CDK2: variants seen among roughly 807,000 people sequenced by gnomAD.
CDK2 encodes cyclin-dependent kinase 2.
Under a neutral mutation model 35.0 loss-of-function variants are expected in CDK2, and 8 were observed. The observed-to-expected ratio is 0.23, with a 90% confidence interval of 0.13 to 0.41. CDK2 has a LOEUF of 0.41. CDK2 is among the 10% of genes least tolerant of loss of function. The pLI is 1.00. For synonymous variants in CDK2, 134 were observed against 137.7 expected (o/e 0.97, Z 0.19); for missense variants, 201 against 367.1 (o/e 0.55, Z 3.70).
At chr12:55,969,429 C>A in intron 4 of CDK2, 46 bp from the exon 5 acceptor site, 1 of 1,053,230 alleles carries the variant, frequency 9.5e-7, no homozygotes, top group Non-Finnish European at 1.4e-6. Context: ...GCGGGAATTT[C>A]CATACCCTAT....
chr12:55,967,211 G>T, intron 1 of CDK2, 87 bp downstream of exon 1: 1 of 937,472 alleles, frequency 1.1e-6, no homozygotes, highest in Non-Finnish European at 1.7e-6. Context: ...GCCGTCCAGG[G>T]ACCGGAAGAG....
At chr12:55,967,799 G>A in intron 1 of CDK2, 58 bp from the exon 2 acceptor site, 2 of 1,410,074 alleles carry the variant, frequency 1.4e-6, no homozygotes, top group Non-Finnish European at 2.0e-6. Flanking sequence ...TGACTAGGTG[G>A]GGGGGAAAGG....
intron 5 of CDK2, 165 bp from the exon 6 acceptor site, chr12:55,970,879 A>T: frequency 4.1e-6 from 3 of 736,376 alleles, no homozygotes; most frequent in Non-Finnish European, 7.5e-6. Context: ...AGATGAAGGA[A>T]CTTCATTGTC....
chr12:55,970,356 G>A lies in CDK2; in HGVS notation c.589-688G>A, dbSNP rs12312438. Among the ~76,000 whole-genome samples the A allele has an allele frequency of 4.2e-5, 6 of 141,250 alleles. No homozygotes were observed. In the South Asian group the frequency reaches 9.2e-4, roughly 22 times the overall value. The allele number at this position is 141,250 out of a possible 152,430, so 92.7% of individuals were successfully genotyped here. ...TTCCCCTTCAACCTCTGGCTTTTCA[G>A]ACTGAAGGATCCTTGAAGCCTGGCT... On this transcript the variant is annotated intron_variant, in intron 5 of 6. Coordinates refer to ENST00000266970, the MANE Select transcript of CDK2 (RefSeq NM_001798.5).
In CDK2 at chr12:55,967,175, C is replaced by T. The variant is rs568622337; in HGVS notation, c.116+51C>T. 1.8e-5 allele frequency: 24 copies of T among 1,300,680 alleles called. 1 individual carries two copies. In the South Asian group the frequency reaches 2.7e-4, roughly 15 times the overall value. The allele number at this position is 1,300,680 out of a possible 1,614,324, so 80.6% of individuals were successfully genotyped here. ...CCTAACTGGGGACCTCCTTGATTGT[C>T]CCCCCCAACCCCCCACGGGCGGGTA... is the stretch of plus-strand genomic sequence containing the variant. On this transcript the variant is annotated intron_variant, in intron 1 of 6. Transcript: ENST00000266970.
Position 55,971,700 on chromosome 12 carries a change from T to A in CDK2, c.*75T>A. ...GGCTTGACCAGGCTTGGCCTTGGGC[T>A]ATTTGGACTCAGGTGGGCCCTCTGA... On this transcript the variant is annotated 3_prime_UTR_variant, in exon 7 of 7. Transcript: ENST00000266970. The A allele has an allele frequency of 8.9e-7, 1 of 1,117,502 alleles. No individual in the cohort carries two copies. The highest frequency in any genetic ancestry group is 1.4e-6 in the Non-Finnish European group (1 of 739,230). 69.2% of individuals were successfully genotyped at this position (1,117,502 alleles called of 1,614,324 possible). A position where few individuals can be genotyped will look rare whatever the true frequency, so the allele number is the denominator to read the frequency against.
intron 1 of CDK2, 62 bp downstream of exon 1, chr12:55,967,186 C>T: frequency 1.5e-6 from 2 of 1,293,700 alleles, no homozygotes; most frequent in Non-Finnish European, 2.2e-6. Context: ...CCCCCCAACC[C>T]CCCACGGGCG....
In CDK2 at chr12:55,971,766, C is replaced by A. The variant is rs1889483110; in HGVS notation, c.*141C>A. 2 of 623,412 alleles carry A rather than the reference C, an allele frequency of 3.2e-6. No homozygotes were observed. 38.6% of individuals were successfully genotyped at this position (623,412 alleles called of 1,614,324 possible). A position where few individuals can be genotyped will look rare whatever the true frequency, so the allele number is the denominator to read the frequency against. On this transcript the variant is annotated 3_prime_UTR_variant, in exon 7 of 7. Transcript: ENST00000266970. ...TCACCTTCTAGTCTTGGCCAGCCAA[C>A]TCTGGGAATACAGGGGTGAAAGGGG...
At chr12:55,971,287 A>G (rs752576069) in intron 6 of CDK2, 40 bp downstream of exon 6, 1 of 1,581,364 alleles carries the variant, frequency 6.3e-7, no homozygotes, top group Non-Finnish European at 8.7e-7. Flanking sequence ...CATTTCTCCC[A>G]GGGAAGGGCT....
rs545329816 is a variant in CDK2 at position 55,971,797 on chromosome 12, C to G, written c.*172C>G. ...GAATACAGGGGTGAAAGGGGGGAACCAGTGAAAATGAAAGGAAGTTTCAGT... is the reference window on the plus strand; with the variant it reads ...GAATACAGGGGTGAAAGGGGGGAACGAGTGAAAATGAAAGGAAGTTTCAGT... On this transcript the variant is annotated 3_prime_UTR_variant, in exon 7 of 7. Transcript: ENST00000266970. 1.7e-6 allele frequency: 1 copy of G among 574,858 alleles called. No individual in the cohort carries two copies. The highest frequency in any genetic ancestry group is 2.9e-5 in the East Asian group (1 of 33,902). 35.6% of individuals were successfully genotyped at this position (574,858 alleles called of 1,614,324 possible).
rs752423569 is a variant in CDK2 at position 55,968,768 on chromosome 12, C to T, written c.316-10C>T. 6.3e-7 allele frequency: 1 copy of T among 1,580,344 alleles called. No individual in the cohort carries two copies. The highest frequency in any genetic ancestry group is 2.3e-5 in the East Asian group (1 of 44,268). On this transcript the variant is annotated splice_polypyrimidine_tract_variant and intron_variant, in intron 3 of 6. Coordinates refer to ENST00000266970, the MANE Select transcript of CDK2 (RefSeq NM_001798.5). ...TGGAGAAACACAGTCCTCTCTTTCTCCTTTGTCAGAGCTATCTGTTCCAGC... is the reference window on the plus strand; with the variant it reads ...TGGAGAAACACAGTCCTCTCTTTCTTCTTTGTCAGAGCTATCTGTTCCAGC...
intron 5 of CDK2, among the ~76,000 whole-genome samples, chr12:55,970,288 CAAAAAAAAA>C (rs60371110): frequency 0.13 from 2,719 of 21,660 alleles, 71 homozygotes; most frequent in African/African-American, 0.21. Flanking sequence ...GATTCCATCT[CAAAAAAAAA>C]AAAAAAAAAA....
chr12:55,968,813 C>T lies in CDK2; in HGVS notation c.351C>T (p.Phe117=). ...TCCAGCTGCTCCAGGGCCTAGCTTTCTGCCATTCTCATCGGGTCCTCCACC... is the reference window on the plus strand; with the variant it reads ...TCCAGCTGCTCCAGGGCCTAGCTTTTTGCCATTCTCATCGGGTCCTCCACC... ...YLFQLLQGLA[F]CHSHRVLHRD... The change falls in exon 4 of 7, where the codon TTC becomes TTT. Residue 117 remains phenylalanine, a synonymous_variant. Coordinates refer to ENST00000266970, the MANE Select transcript of CDK2 (RefSeq NM_001798.5). The T allele has an allele frequency of 6.2e-7, 1 of 1,609,310 alleles. No homozygotes were observed. Among genetic ancestry groups the T allele is most frequent in the African/African-American group, 1.3e-5 (1 of 74,404 alleles).
At position 55,967,131 on chromosome 12, in the gene CDK2, G is replaced by A. The variant is rs751524550; in HGVS notation, c.116+7G>A. On this transcript the variant is annotated splice_region_variant and intron_variant, in intron 1 of 6. Transcript: ENST00000266970. ...AGAAAATCCGCCTGGACACGTGAGT[G>A]GCCTCTGTACCCGGGACTCCTAACT... 7 of 1,598,378 alleles carry A rather than the reference G, an allele frequency of 4.4e-6. No homozygotes were observed. In the South Asian group the frequency reaches 7.8e-5, roughly 18 times the overall value.
intron 5 of CDK2, chr12:55,970,680 C>G: frequency 5.7e-6 from 4 of 702,282 alleles, no homozygotes; most frequent in Non-Finnish European, 1.0e-5. Flanking sequence ...CCGCTGTGCT[C>G]GTATCTAGAA....
chr12:55,966,981 C>G lies in CDK2; in HGVS notation c.-28C>G. On this transcript the variant is annotated 5_prime_UTR_variant, in exon 1 of 7. Transcript: ENST00000266970. ...GGGTTCCCAGGCCCCCGCTCCAGGG[C>G]CGGGCTGACCCGACTCGCTGGCGCT... The G allele has an allele frequency of 1.3e-6, 2 of 1,566,366 alleles. No homozygotes were observed. Among genetic ancestry groups the G allele is most frequent in the Middle Eastern group, 1.7e-4 (1 of 5,946 alleles).
In CDK2 at chr12:55,967,954, G is replaced by A; in HGVS notation, c.194+20G>A. Reference sequence around the variant, plus strand: ...TGTCAAGTAAGTATGCGTCTGAGAGGTGATCCAGCTGGAAAGGAGGATAAG... The same window carrying A: ...TGTCAAGTAAGTATGCGTCTGAGAGATGATCCAGCTGGAAAGGAGGATAAG... On this transcript the variant is annotated intron_variant, in intron 2 of 6. Transcript: ENST00000266970. 6.2e-7 allele frequency: 1 copy of A among 1,613,466 alleles called. No homozygotes were observed. Among genetic ancestry groups the A allele is most frequent in the African/African-American group, 1.3e-5 (1 of 75,000 alleles).
chr12:55,971,738 C>A lies in CDK2; in HGVS notation c.*113C>A. The A allele has an allele frequency of 1.4e-6, 1 of 721,216 alleles. No homozygotes were observed. Among genetic ancestry groups the A allele is most frequent in the Non-Finnish European group, 2.4e-6 (1 of 413,860 alleles). The allele number at this position is 721,216 out of a possible 1,614,324, so 44.7% of individuals were successfully genotyped here. ...GTGGGCCCTCTGAACTTGCCTTAAA[C>A]ACTCACCTTCTAGTCTTGGCCAGCC... On this transcript the variant is annotated 3_prime_UTR_variant, in exon 7 of 7. Transcript: ENST00000266970.
In CDK2 at chr12:55,971,110, C is replaced by T. The variant is rs1044042568; in HGVS notation, c.655C>T (p.Leu219=). Residue 219 remains leucine (L), a synonymous_variant, in exon 6 of 7, where the codon CTG becomes TTG. Transcript: ENST00000266970. ...IDQLFRIFRT[L]GTPDEVVWPG... ...CCAGCTCTTCCGGATCTTTCGGACTCTGGGGACCCCAGATGAGGTGGTGTG... is the reference window on the plus strand; with the variant it reads ...CCAGCTCTTCCGGATCTTTCGGACTTTGGGGACCCCAGATGAGGTGGTGTG... The T allele has an allele frequency of 1.2e-6, 2 of 1,614,026 alleles. No homozygotes were observed. The highest frequency in any genetic ancestry group is 2.7e-5 in the African/African-American group (2 of 74,892).
Sources: allele counts gnomAD v4.1 joint callset (sites outside exome capture counted in the v4.1 genomes callset), GRCh38; gene constraint gnomAD v4.1.1; transcripts MANE v1.5; gene names NCBI Gene and HGNC (gene_info 2026-07-23, HGNC 2026-07-21).